The following GPR149 variants were observed in gnomAD, a reference collection of about 807,000 sequenced individuals.
GPR149 encodes G protein-coupled receptor 149, also known as probable G protein-coupled receptor 149.
In GPR149, 50 loss-of-function variants were observed where a neutral mutation model predicts 50.2. That is an observed-to-expected ratio of 1.00 (90% CI 0.79 to 1.26). The LOEUF (loss-of-function observed/expected upper bound fraction) is 1.26. GPR149 is among the 50% of genes most tolerant of loss of function. The pLI is 0.00. For synonymous variants in GPR149, 405 were observed against 358.2 expected (o/e 1.13, Z -1.48); for missense variants, 983 against 895.4 (o/e 1.10, Z -1.25).
At chr3:154,395,874 T>C (rs1715281344) in intron 3 of GPR149, among the ~76,000 whole-genome samples, 1 of 152,162 alleles carries the variant, frequency 6.6e-6, no homozygotes, top group Admixed American at 6.5e-5. Context: ...ATTCAAAATA[T>C]TTAATATTTG....
At chr3:154,384,616 G>A (rs1715007120) in intron 3 of GPR149, among the ~76,000 whole-genome samples, 1 of 152,162 alleles carries the variant, frequency 6.6e-6, no homozygotes. Context: ...CAATCTTCCT[G>A]TTTTTCTCAA....
At chr3:154,426,100 T>C (rs1712285707) in intron 2 of GPR149, among the ~76,000 whole-genome samples, 1 of 152,188 alleles carries the variant, frequency 6.6e-6, no homozygotes, top group Non-Finnish European at 1.5e-5. Flanking sequence ...TGTTATATGT[T>C]TTTATAAGTG....
chr3:154,414,912 T>C (rs912788693), intron 3 of GPR149, among the ~76,000 whole-genome samples: 1 of 151,884 alleles, frequency 6.6e-6, no homozygotes, highest in African/African-American at 2.4e-5. Context: ...AGGGATTAGA[T>C]CCAGAACCAG....
At chr3:154,404,700 C>A (rs150962039) in intron 3 of GPR149, among the ~76,000 whole-genome samples, 1 of 152,162 alleles carries the variant, frequency 6.6e-6, no homozygotes, top group Non-Finnish European at 1.5e-5. Context: ...CTCTGATAGA[C>A]CTTAGGCTTA....
chr3:154,340,903 G>T, intron 3 of GPR149, among the ~76,000 whole-genome samples: 1 of 152,088 alleles, frequency 6.6e-6, no homozygotes, highest in East Asian at 1.9e-4. Context: ...TGTATTTTTA[G>T]TAGAGACAGG....
intron 3 of GPR149, chr3:154,352,101 G>A: frequency 1.6e-6 from 1 of 643,124 alleles, no homozygotes; most frequent in Non-Finnish European, 2.4e-6. Flanking sequence ...GGCACAAATA[G>A]GCAAGTTCAC....
chr3:154,339,941 C>A (rs1402929659), intron 3 of GPR149, among the ~76,000 whole-genome samples: 7 of 151,758 alleles, frequency 4.6e-5, no homozygotes, highest in Non-Finnish European at 1.0e-4. Context: ...AGGCACCCAC[C>A]ACCACCCCCG....
At chr3:154,390,529 C>A in intron 3 of GPR149, among the ~76,000 whole-genome samples, 1 of 149,676 alleles carries the variant, frequency 6.7e-6, no homozygotes, top group Non-Finnish European at 1.5e-5. Flanking sequence ...GTTAGAAAAG[C>A]AAAGAGAAAA....
In GPR149 at chr3:154,422,786, T is replaced by C. The variant is rs530238600; in HGVS notation, c.1175-1299A>G. ...TATTTTATATACTGTCTCATTTATA[T>C]TTTTACTGACCTTTTCTAGTAACAT... On this transcript the variant is annotated intron_variant, in intron 2 of 3. Coordinates refer to ENST00000389740, the MANE Select transcript of GPR149 (RefSeq NM_001038705.3). Among the ~76,000 whole-genome samples, 4 of 151,964 alleles carry C rather than the reference T, an allele frequency of 2.6e-5. No homozygotes were observed. In the South Asian group the frequency reaches 8.3e-4, roughly 31 times the overall value.
At chr3:154,394,296 C>G (rs1433294814) in intron 3 of GPR149, among the ~76,000 whole-genome samples, 1 of 151,860 alleles carries the variant, frequency 6.6e-6, no homozygotes, top group Admixed American at 6.6e-5. Flanking sequence ...AGAAGGGCAC[C>G]AAGAATAAAC....
intron 3 of GPR149, among the ~76,000 whole-genome samples, chr3:154,355,936 T>A (rs920356130): frequency 1.3e-5 from 2 of 152,244 alleles, no homozygotes; most frequent in African/African-American, 4.8e-5. Flanking sequence ...GATATTCATG[T>A]AAGTATGGAA....
At chr3:154,355,855 T>A (rs551195984) in intron 3 of GPR149, among the ~76,000 whole-genome samples, 1 of 152,290 alleles carries the variant, frequency 6.6e-6, no homozygotes, top group African/African-American at 2.4e-5. Flanking sequence ...CGTAAGACAG[T>A]TTCAAAGGAT....
chr3:154,427,259 C>T (rs533089671), intron 2 of GPR149, among the ~76,000 whole-genome samples: 35 of 151,254 alleles, frequency 2.3e-4, no homozygotes, highest in African/African-American at 8.0e-4. Flanking sequence ...TCCTAGTCTT[C>T]CCTTTTTTTT....
intron 3 of GPR149, among the ~76,000 whole-genome samples, chr3:154,402,753 C>T (rs2108419057): frequency 6.6e-6 from 1 of 150,410 alleles, no homozygotes; most frequent in East Asian, 1.9e-4. Flanking sequence ...CTTTTTTTCT[C>T]ACTGAAGTAC....
chr3:154,374,387 G>A (rs896375903), intron 3 of GPR149, among the ~76,000 whole-genome samples: 2 of 151,574 alleles, frequency 1.3e-5, no homozygotes, highest in Non-Finnish European at 2.9e-5. Flanking sequence ...TGGCCAGGTT[G>A]GTATCGAACT....
chr3:154,400,339 T>C (rs2108417702), intron 3 of GPR149, among the ~76,000 whole-genome samples: 1 of 152,316 alleles, frequency 6.6e-6, no homozygotes, highest in African/African-American at 2.4e-5. Flanking sequence ...ATAGTAGTTT[T>C]ATAAGCTTAC....
intron 3 of GPR149, among the ~76,000 whole-genome samples, chr3:154,344,723 TGCTGGG>T (rs1236580815): frequency 6.6e-6 from 1 of 152,158 alleles, no homozygotes; most frequent in Non-Finnish European, 1.5e-5. Context: ...CACCAAGGAT[TGCTGGG>T]AGCCACCAGA....
intron 3 of GPR149, among the ~76,000 whole-genome samples, chr3:154,376,147 A>T (rs1183383747): frequency 6.6e-6 from 1 of 152,212 alleles, no homozygotes; most frequent in East Asian, 1.9e-4. Context: ...GCTATCATTT[A>T]TCTATTGTTT....
Position 154,337,695 on chromosome 3 carries a change from C to T in GPR149, c.*4G>A, listed in dbSNP as rs1403301640. On this transcript the variant is annotated 3_prime_UTR_variant, in exon 4 of 4. Coordinates refer to ENST00000389740, the MANE Select transcript of GPR149 (RefSeq NM_001038705.3). ...ATTCTTGCTCCTGTTAGACCAAATA[C>T]CCACTAACTACCCTTGCTTTCTTCC... 9.5e-6 allele frequency: 15 copies of T among 1,578,712 alleles called. No individual in the cohort carries two copies. Among genetic ancestry groups the T allele is most frequent in the Non-Finnish European group, 1.2e-5 (14 of 1,162,528 alleles).
Sources: allele counts gnomAD v4.1 joint callset (sites outside exome capture counted in the v4.1 genomes callset), GRCh38; gene constraint gnomAD v4.1.1; transcripts MANE v1.5; gene names NCBI Gene and HGNC (gene_info 2026-07-23, HGNC 2026-07-21).